The following ZNF8 variants were observed in gnomAD, a reference collection of about 807,000 sequenced individuals.
The protein encoded by ZNF8 is zinc finger protein 272.
Under a neutral mutation model 12.2 loss-of-function variants are expected in ZNF8, and 9 were observed. The ratio of observed to expected loss-of-function variants is 0.73; its 90% CI spans 0.44 to 1.28. The LOEUF is 1.28. ZNF8 is among the 50% of genes most tolerant of loss of function. The pLI is 0.00. For missense variants in ZNF8, 664 were observed against 729.1 expected, an observed-to-expected ratio of 0.91 and a Z score of 1.03; for synonymous variants, 274 against 282.3, an observed-to-expected ratio of 0.97 and a Z score of 0.30.
chr19:58,287,091 G>A (rs1406340580), intron 3 of ZNF8, among the ~76,000 whole-genome samples: 1 of 152,160 alleles, frequency 6.6e-6, no homozygotes, highest in Non-Finnish European at 1.5e-5. Context: ...CTAGGCTGGA[G>A]TGCAGTGGCG....
Position 58,294,743 on chromosome 19 carries a change from C to T in ZNF8, c.935C>T (p.Pro312Leu). 1 of 1,614,186 alleles carries T rather than the reference C, an allele frequency of 6.2e-7. No homozygotes were observed. The highest frequency in any genetic ancestry group is 8.5e-7 in the Non-Finnish European group (1 of 1,180,034). Reference sequence around the variant, plus strand: ...GAGCGCATCCACACTGGAGACAAGCCCTACAAGTGTGCCGAATGTGGGAAG... The same window carrying T: ...GAGCGCATCCACACTGGAGACAAGCTCTACAAGTGTGCCGAATGTGGGAAG... Reference protein sequence around the residue: ...QHERIHTGDKPYKCAECGKSF... With the variant: ...QHERIHTGDKLYKCAECGKSF... The change falls in exon 4 of 4, where the codon CCC (proline) becomes CTC (leucine). Residue 312 changes from proline (P) to leucine (L), a missense_variant. Physicochemically the swap from Pro to Leu is moderately conservative, Grantham distance 98. Transcript: ENST00000621650. The surrounding 1 kb of genome is among the most constrained non-coding windows in gnomAD (Gnocchi z 5.5).
chr19:58,290,409 C>T (rs558344189), intron 3 of ZNF8, among the ~76,000 whole-genome samples: 12 of 151,792 alleles, frequency 7.9e-5, no homozygotes, highest in East Asian at 3.9e-4. Context: ...CCACCGCGCC[C>T]GGCCATCAAG....
In ZNF8 at chr19:58,294,977, C is replaced by G; in HGVS notation, c.1169C>G (p.Thr390Ser). ...ACTTGCCTTTTCCTGCACCTGAGAACTCACACCGAGGAGAGGCCCTACGAG... is the reference window on the plus strand; with the variant it reads ...ACTTGCCTTTTCCTGCACCTGAGAAGTCACACCGAGGAGAGGCCCTACGAG... ...RTTCLFLHLRTHTEERPYECN... is the reference protein window; with the variant it reads ...RTTCLFLHLRSHTEERPYECN... The change falls in exon 4 of 4, where the codon ACT becomes AGT. Residue 390 changes from threonine to serine, a missense_variant. Thr to Ser is a moderately conservative substitution (Grantham distance 58). Transcript: ENST00000621650. This position sits in a 1 kb window ranked among gnomAD's most constrained non-coding sequence, Gnocchi z 5.5. The G allele has an allele frequency of 6.2e-7, 1 of 1,614,120 alleles. No homozygotes were observed. Among genetic ancestry groups the G allele is most frequent in the Non-Finnish European group, 8.5e-7 (1 of 1,179,982 alleles).
rs370772895 is a variant in ZNF8 at position 58,295,083 on chromosome 19, T to A, written c.1275T>A (p.Phe425Leu). The change falls in exon 4 of 4, where the codon TTT (phenylalanine) becomes TTA (leucine). Residue 425 changes from phenylalanine to leucine, a missense_variant. By Grantham distance (22) the Phe-to-Leu change is conservative. Around this residue, in one of 3 missense-constraint regions of ZNF8, gnomAD observed 225 missense variants for 222.0 expected, o/e 1.01. Coordinates refer to ENST00000621650, the MANE Select transcript of ZNF8 (RefSeq NM_021089.3). The stretch of plus-strand genomic sequence containing the variant: ...GGAAGCACGCGGGGGAGAAGCCCTT[T>A]GAGTGCCGCCAGAGGCTGATCTTTG... ...HQRKHAGEKPFECRQRLIFEQ... is the reference protein window; with the variant it reads ...HQRKHAGEKPLECRQRLIFEQ... The A allele has an allele frequency of 5.2e-5, 84 of 1,614,044 alleles. 3 individuals are homozygous for A. The East Asian group carries it at 5.6e-4, about 11-fold the overall frequency.
intron 1 of ZNF8, chr19:58,279,687 A>C: frequency 6.5e-7 from 1 of 1,531,220 alleles, no homozygotes; most frequent in Non-Finnish European, 8.7e-7. Context: ...GAGAGTGACC[A>C]CCAGGGTCGT....
Position 58,279,000 on chromosome 19 carries a change from C to A in ZNF8, c.-82C>A. On this transcript the variant is annotated 5_prime_UTR_variant, in exon 1 of 4. Coordinates refer to ENST00000621650, the MANE Select transcript of ZNF8 (RefSeq NM_021089.3). Reference sequence around the variant, plus strand: ...GCGGCCGCCATTGTCCGGCGTTCGGCGAGTCGGGTGGTCCCTTTGGCTGGA... The same window carrying A: ...GCGGCCGCCATTGTCCGGCGTTCGGAGAGTCGGGTGGTCCCTTTGGCTGGA... The A allele has an allele frequency of 7.4e-7, 1 of 1,343,520 alleles. No homozygotes were observed. Among genetic ancestry groups the A allele is most frequent in the Non-Finnish European group, 9.6e-7 (1 of 1,038,480 alleles). The allele number at this position is 1,343,520 out of a possible 1,614,324, so 83.2% of individuals were successfully genotyped here. A position where few individuals can be genotyped will look rare whatever the true frequency, so the allele number is the denominator to read the frequency against.
intron 1 of ZNF8, chr19:58,279,578 C>A: frequency 6.5e-7 from 1 of 1,531,432 alleles, no homozygotes; most frequent in Non-Finnish European, 8.7e-7. Flanking sequence ...GTGGAGTCAG[C>A]GGACACCCAC....
intron 1 of ZNF8, 129 bp from the exon 2 acceptor site, chr19:58,285,588 C>A: frequency 7.5e-7 from 1 of 1,337,446 alleles, no homozygotes; most frequent in Non-Finnish European, 1.1e-6. Context: ...TGAGACCTGA[C>A]TCCCATCATT....
At chr19:58,281,549 C>T (rs80136762) in intron 1 of ZNF8, among the ~76,000 whole-genome samples, 1,534 of 152,102 alleles carry the variant, frequency 0.01, 27 homozygotes, top group African/African-American at 0.034. Flanking sequence ...ACTCAGTGGA[C>T]GTGGTGTCTA....
chr19:58,281,090 A>G (rs1370380172), intron 1 of ZNF8, among the ~76,000 whole-genome samples: 2 of 152,182 alleles, frequency 1.3e-5, no homozygotes, highest in Non-Finnish European at 1.5e-5. Context: ...CTTGGAGGCC[A>G]TTATATATCT....
chr19:58,286,902 G>T, intron 3 of ZNF8: 1 of 152,392 alleles, frequency 6.6e-6, no homozygotes, highest in Non-Finnish European at 1.5e-5. Context: ...CTCCCTCTCT[G>T]CTTCATCTTC....
chr19:58,287,495 G>A (rs754478762), intron 3 of ZNF8, among the ~76,000 whole-genome samples: 28 of 151,176 alleles, frequency 1.9e-4, no homozygotes, highest in Non-Finnish European at 3.8e-4. Context: ...CCCACACCTG[G>A]CTAATTTTCT....
chr19:58,294,215 C>T lies in ZNF8; in HGVS notation c.407C>T (p.Thr136Met), dbSNP rs2051438106. 13 of 1,614,016 alleles carry T rather than the reference C, an allele frequency of 8.1e-6. No individual in the cohort carries two copies. The highest frequency in any genetic ancestry group is 3.3e-5 in the South Asian group (3 of 91,088). The change falls in exon 4 of 4, where the codon ACG (threonine) becomes ATG (methionine). Residue 136 changes from threonine (T) to methionine (M), a missense_variant. Transcript: ENST00000621650. The surrounding 1 kb of genome is among the most constrained non-coding windows in gnomAD (Gnocchi z 5.5). Reference sequence around the variant, plus strand: ...CCGACAGATGCTCCTTATCCCACCACGTTAGGGAAAGACAGGGAGTGTCAG... The same window carrying T: ...CCGACAGATGCTCCTTATCCCACCATGTTAGGGAAAGACAGGGAGTGTCAG... ...GFPTDAPYPTTLGKDRECQSQ... is the reference protein window; with the variant it reads ...GFPTDAPYPTMLGKDRECQSQ...
chr19:58,294,943 T>G lies in ZNF8; in HGVS notation c.1135T>G (p.Ser379Ala), dbSNP rs185075638. 1.2e-6 allele frequency: 2 copies of G among 1,614,098 alleles called. No homozygotes were observed. The highest frequency in any genetic ancestry group is 4.5e-5 in the East Asian group (2 of 44,880). ...YTCSVCGKSF[S>A]RTTCLFLHLR... Reference sequence around the variant, plus strand: ...CTGCAGTGTGTGTGGGAAATCCTTCTCTCGGACCACTTGCCTTTTCCTGCA... The same window carrying G: ...CTGCAGTGTGTGTGGGAAATCCTTCGCTCGGACCACTTGCCTTTTCCTGCA... Residue 379 changes from serine (S) to alanine (A), a missense_variant, in exon 4 of 4, where the codon TCT becomes GCT. This residue lies in a region of ZNF8 where 133 missense variants were observed against 198.4 expected (regional missense o/e 0.67). Coordinates refer to ENST00000621650, the MANE Select transcript of ZNF8 (RefSeq NM_021089.3). The surrounding 1 kb of genome is among the most constrained non-coding windows in gnomAD (Gnocchi z 5.5).
At chr19:58,293,079 G>C (rs1333608412) in intron 3 of ZNF8, among the ~76,000 whole-genome samples, 1 of 152,090 alleles carries the variant, frequency 6.6e-6, no homozygotes, top group African/African-American at 2.4e-5. Flanking sequence ...CTCCTGAGTG[G>C]CTGGGACTAC....
At position 58,295,309 on chromosome 19, in the gene ZNF8, C is replaced by A; in HGVS notation, c.1501C>A (p.Arg501=). 1 of 1,614,204 alleles carries A rather than the reference C, an allele frequency of 6.2e-7. No individual in the cohort carries two copies. The highest frequency in any genetic ancestry group is 8.5e-7 in the Non-Finnish European group (1 of 1,180,024). The part of the protein sequence containing the change: ...REEQPHGRSR[R]REQSSSRNSH... Reference sequence around the variant, plus strand: ...GGAGCAGCCCCATGGGCGAAGCCGGCGGCGTGAACAATCCTCGAGCAGGAA... The same window carrying A: ...GGAGCAGCCCCATGGGCGAAGCCGGAGGCGTGAACAATCCTCGAGCAGGAA... Residue 501 remains arginine, a synonymous_variant, in exon 4 of 4, where the codon CGG becomes AGG. Transcript: ENST00000621650.
chr19:58,290,253 G>A (rs994668354), intron 3 of ZNF8, among the ~76,000 whole-genome samples: 9 of 149,640 alleles, frequency 6.0e-5, no homozygotes, highest in Admixed American at 4.7e-4. Context: ...TGGGACTACA[G>A]GTGCCCGCCA....
Position 58,301,772 on chromosome 19 carries a change from G to C in ZNF8, c.*6236G>C, listed in dbSNP as rs970833574. On this transcript the variant is annotated 3_prime_UTR_variant, in exon 4 of 4. Coordinates refer to ENST00000621650, the MANE Select transcript of ZNF8 (RefSeq NM_021089.3). ...CTCAACAAGCCTTGAGTTCTCAAAG[G>C]GGGTGTGGGAAGGTTCTTATACATC... 3.3e-5 allele frequency: 5 copies of C among 152,174 alleles called. No individual in the cohort carries two copies. The highest frequency in any genetic ancestry group is 4.8e-5 in the African/African-American group (2 of 41,432). The allele number at this position is 152,174 out of a possible 1,614,324, so 9.4% of individuals were successfully genotyped here. A position where few individuals can be genotyped will look rare whatever the true frequency, so the allele number is the denominator to read the frequency against.
intron 3 of ZNF8, chr19:58,286,676 C>T (rs995685156): frequency 3.3e-5 from 5 of 153,476 alleles, no homozygotes; most frequent in Admixed American, 6.5e-5. Flanking sequence ...AAACCACTCT[C>T]ATCAGTTAGG....
Sources: allele counts gnomAD v4.1 joint callset (sites outside exome capture counted in the v4.1 genomes callset), GRCh38; gene constraint gnomAD v4.1.1; regional missense constraint gnomAD v4.1.1; non-coding constraint Gnocchi (gnomAD v3.1); transcripts MANE v1.5; gene names NCBI Gene and HGNC (gene_info 2026-07-23, HGNC 2026-07-21).